The following HDAC9 variants were observed in gnomAD, a reference collection of about 807,000 sequenced individuals.
HDAC9 encodes histone deacetylase 9.
A neutral mutation model predicts 139.4 loss-of-function variants in HDAC9; 41 were observed. That is an observed-to-expected ratio of 0.29 (90% confidence interval 0.23 to 0.38). The LOEUF (loss-of-function observed/expected upper bound fraction) is 0.38, where lower values mean the gene tolerates loss of function less well. Among genes scored for constraint, HDAC9 ranks in the 10% least tolerant of loss-of-function variants. The pLI, the probability that HDAC9 is intolerant of heterozygous loss-of-function variation, is 1.00. For synonymous variants in HDAC9, 517 were observed against 476.2 expected (o/e 1.09, Z -1.12); for missense variants, 1,147 against 1,297.0 (o/e 0.88, Z 1.78).
chr7:18,335,155 C>T (rs1415723494), intron 1 of HDAC9, among the ~76,000 whole-genome samples: 2 of 151,392 alleles, frequency 1.3e-5, no homozygotes, highest in East Asian at 1.9e-4. Context: ...TTCCCACCTG[C>T]CCACCATCTT....
rs71014322 is a variant in HDAC9, at chr7:18,317,094, AAAATAAATAAATAAATAAAT to A, written c.-42+26616_-42+26635del. ...GGGCGACAGAGTCAGACTCTGTCTC[AAAATAAATAAATAAATAAAT>A]AAATAAATAAATAAATAAATAAATA... On this transcript the variant is annotated intron_variant, in intron 1 of 3. Coordinates refer to the HDAC9 transcript ENST00000413509. 2.3e-3 allele frequency among the ~76,000 whole-genome samples: 293 copies of A among 127,618 alleles called. 3 individuals carry two copies. The highest frequency in any genetic ancestry group is 6.8e-3 in the East Asian group (29 of 4,254). The allele number at this position is 127,618 out of a possible 152,430, so 83.7% of individuals were successfully genotyped here.
chr7:18,374,631 A>G (rs1420482384), intron 1 of HDAC9, among the ~76,000 whole-genome samples: 1 of 152,084 alleles, frequency 6.6e-6, no homozygotes, highest in Non-Finnish European at 1.5e-5. Flanking sequence ...CAGCTCCATA[A>G]AAATCTTATG....
chr7:18,786,873 C>T (rs1436550189), intron 16 of HDAC9, among the ~76,000 whole-genome samples: 1 of 143,964 alleles, frequency 6.9e-6, no homozygotes, highest in Non-Finnish European at 1.5e-5. Flanking sequence ...TTTCTTTGTT[C>T]CCAGTGAGTA....
chr7:18,887,381 G>T (rs1008504033), intron 22 of HDAC9, among the ~76,000 whole-genome samples: 6 of 152,164 alleles, frequency 3.9e-5, no homozygotes, highest in African/African-American at 1.4e-4. Flanking sequence ...TTGAAAAAAA[G>T]GAAACAGGAT....
intron 1 of HDAC9, among the ~76,000 whole-genome samples, chr7:18,364,923 AT>A (rs1355831989): frequency 6.6e-6 from 1 of 152,148 alleles, no homozygotes. Flanking sequence ...AGGGAAATTT[AT>A]TTTTATGAAC....
chr7:18,142,469 C>T (rs186929655), intron 1 of HDAC9, among the ~76,000 whole-genome samples: 8 of 152,284 alleles, frequency 5.3e-5, no homozygotes, highest in Non-Finnish European at 1.0e-4. Flanking sequence ...GATTCTTGTG[C>T]AGTGCCATGA....
chr7:18,190,748 T>C (rs1790292495), intron 2 of HDAC9, among the ~76,000 whole-genome samples: 1 of 152,206 alleles, frequency 6.6e-6, no homozygotes. Flanking sequence ...TTAAGTAAAA[T>C]TACTCAGCTT....
chr7:18,412,924 T>C (rs1788708247), intron 1 of HDAC9, among the ~76,000 whole-genome samples: 1 of 152,238 alleles, frequency 6.6e-6, no homozygotes, highest in African/African-American at 2.4e-5. Flanking sequence ...TTAAAAACTT[T>C]AGAAATTAGT....
intron 2 of HDAC9, among the ~76,000 whole-genome samples, chr7:18,572,356 T>C (rs939063922): frequency 6.7e-6 from 1 of 148,926 alleles, no homozygotes; most frequent in Admixed American, 6.6e-5. Flanking sequence ...CATATTCAAA[T>C]ATGACAAATA....
intron 12 of HDAC9, among the ~76,000 whole-genome samples, chr7:18,706,446 A>T (rs1201735457): frequency 1.3e-5 from 2 of 152,166 alleles, no homozygotes; most frequent in Non-Finnish European, 2.9e-5. Context: ...GTTCCCACTA[A>T]TTTTAACTTT....
chr7:18,430,050 C>T (rs1241063721), intron 1 of HDAC9, among the ~76,000 whole-genome samples: 1 of 152,114 alleles, frequency 6.6e-6, no homozygotes, highest in Non-Finnish European at 1.5e-5. Flanking sequence ...TAAAGAATAT[C>T]ATCCTTTTTT....
intron 21 of HDAC9, among the ~76,000 whole-genome samples, chr7:18,836,693 G>A (rs149744618): frequency 7.9e-5 from 12 of 152,202 alleles, no homozygotes; most frequent in African/African-American, 2.9e-4. Context: ...TTTTAAAAAT[G>A]AGCATTTCTT....
At chr7:18,743,270 T>G (rs898246591) in intron 13 of HDAC9, among the ~76,000 whole-genome samples, 1 of 152,176 alleles carries the variant, frequency 6.6e-6, no homozygotes, top group African/African-American at 2.4e-5. Flanking sequence ...ATAGTGTTAG[T>G]TGGAAGGCTT....
intron 1 of HDAC9, among the ~76,000 whole-genome samples, chr7:18,292,258 G>T (rs1430065552): frequency 6.6e-6 from 1 of 152,060 alleles, no homozygotes; most frequent in Non-Finnish European, 1.5e-5. Flanking sequence ...AAACTAAGGT[G>T]CAGAGAAGCT....
chr7:18,625,650 G>T (rs1841479031), intron 6 of HDAC9, among the ~76,000 whole-genome samples: 1 of 152,084 alleles, frequency 6.6e-6, no homozygotes, highest in Non-Finnish European at 1.5e-5. Flanking sequence ...GTAGCTGCAA[G>T]ATATGTGGGA....
intron 1 of HDAC9, among the ~76,000 whole-genome samples, chr7:18,370,781 C>T (rs1490657201): frequency 1.3e-5 from 2 of 152,128 alleles, no homozygotes; most frequent in African/African-American, 4.8e-5. Flanking sequence ...TAGATGACAG[C>T]CAGTTGCTTA....
At chr7:18,204,472 G>A (rs1001256178) in intron 2 of HDAC9, among the ~76,000 whole-genome samples, 1 of 151,446 alleles carries the variant, frequency 6.6e-6, no homozygotes, top group South Asian at 2.1e-4. Flanking sequence ...TTGCCAAATT[G>A]CTTTCTAATA....
At chr7:18,942,094 T>TA (rs1782065188) in intron 23 of HDAC9, among the ~76,000 whole-genome samples, 1 of 152,132 alleles carries the variant, frequency 6.6e-6, no homozygotes, top group Admixed American at 6.6e-5. Context: ...GACATTCATT[T>TA]ATCTGACCAT....
intron 6 of HDAC9, among the ~76,000 whole-genome samples, chr7:18,595,709 T>C (rs1036815828): frequency 3.3e-5 from 5 of 152,056 alleles, no homozygotes; most frequent in Non-Finnish European, 7.4e-5. Context: ...CCTTTGAATA[T>C]ATCCTTACCA....
Sources: gnomAD v4.1 joint callset for allele counts (sites outside exome capture counted in the v4.1 genomes callset) on GRCh38, gnomAD v4.1.1 for gene constraint, MANE v1.5 for transcripts, NCBI Gene and HGNC (gene_info 2026-07-23, HGNC 2026-07-21) for gene names.